The following SMC2 variants were observed in gnomAD, a reference collection of about 807,000 sequenced individuals.
The protein encoded by SMC2 is structural maintenance of chromosomes 2, also known as structural maintenance of chromosomes protein 2.
A neutral mutation model predicts 142.6 loss-of-function variants in SMC2; 41 were observed. The observed-to-expected ratio is 0.29, with a 90% CI of 0.22 to 0.37. The LOEUF is 0.37. Among genes scored for constraint, SMC2 ranks in the 10% least tolerant of loss-of-function variants. The pLI is 1.00. For synonymous variants in SMC2, 463 were observed against 457.5 expected, an observed-to-expected ratio of 1.01 and a Z score of -0.15; for missense variants, 1,265 against 1,373.7, an observed-to-expected ratio of 0.92 and a Z score of 1.25.
Position 104,121,690 on chromosome 9 carries a change from C to T in SMC2, c.2133-1418C>T, listed in dbSNP as rs549908122. 1.3e-4 allele frequency among the ~76,000 whole-genome samples: 20 copies of T among 152,194 alleles called. No individual in the cohort carries two copies. In the South Asian group the frequency reaches 3.9e-3, roughly 30 times the overall value. On this transcript the variant is annotated intron_variant, in intron 16 of 24. Transcript: ENST00000374793. The stretch of plus-strand genomic sequence containing the variant: ...CATTCAATTTCTGTAGTTATGAAAG[C>T]TTAAAATGGCACCAAGACTTTTGAG...
At chr9:104,125,246 T>G (rs1834132820) in intron 18 of SMC2, 141 bp downstream of exon 18, 2 of 651,782 alleles carry the variant, frequency 3.1e-6, no homozygotes, top group Non-Finnish European at 5.2e-6. Flanking sequence ...AAACAAATTA[T>G]GCTTCTTACA....
chr9:104,138,254 A>G (rs1159770145), intron 24 of SMC2, 89 bp downstream of exon 24: 7 of 1,073,880 alleles, frequency 6.5e-6, no homozygotes, highest in Non-Finnish European at 9.1e-6. Context: ...TGTTAATAAG[A>G]TATTTAGGGT....
chr9:104,100,409 T>C lies in SMC2; in HGVS notation c.612T>C (p.Thr204=). 8 of 1,521,834 alleles carry C rather than the reference T, an allele frequency of 5.3e-6. No homozygotes were observed. Among genetic ancestry groups the C allele is most frequent in the Non-Finnish European group, 7.3e-6 (8 of 1,100,460 alleles). The allele number at this position is 1,521,834 out of a possible 1,614,324, so 94.3% of individuals were successfully genotyped here. Residue 204 remains threonine, a synonymous_variant, in exon 7 of 25, where the codon ACT becomes ACC. Coordinates refer to ENST00000374793, the MANE Select transcript of SMC2 (RefSeq NM_006444.3). ...EIKTILEEEI[T]PTIQKLKEER... Reference sequence around the variant, plus strand: ...TCCAGATACTTGAAGAAGAGATTACTCCAACCATTCAAAAATTAAAAGAGG... The same window carrying C: ...TCCAGATACTTGAAGAAGAGATTACCCCAACCATTCAAAAATTAAAAGAGG...
chr9:104,116,556 A>C (rs1833143017), intron 14 of SMC2, among the ~76,000 whole-genome samples: 1 of 94,410 alleles, frequency 1.1e-5, no homozygotes, highest in South Asian at 2.6e-4. Flanking sequence ...AAGTCACATG[A>C]CTATCAATCA....
chr9:104,102,023 T>C lies in SMC2; in HGVS notation c.700T>C (p.Tyr234His), dbSNP rs1831191449. The C allele has an allele frequency of 6.2e-7, 1 of 1,613,276 alleles. No individual in the cohort carries two copies. The highest frequency in any genetic ancestry group is 8.5e-7 in the Non-Finnish European group (1 of 1,179,550). The change falls in exon 8 of 25, where the codon TAT (tyrosine) becomes CAT (histidine). Residue 234 changes from tyrosine to histidine, a missense_variant. Tyr to His is a moderately conservative substitution (Grantham distance 83). Coordinates refer to ENST00000374793, the MANE Select transcript of SMC2 (RefSeq NM_006444.3). ...MREIEHLSRL[Y>H]IAYQFLLAED... is the part of the protein sequence containing the mutation. ...AGAAATAGAACATTTGAGTCGTTTA[T>C]ATATTGCTTATCAGTTTTTGCTGGC...
chr9:104,130,897 T>G (rs1183623186), intron 21 of SMC2, among the ~76,000 whole-genome samples: 1 of 152,186 alleles, frequency 6.6e-6, no homozygotes, highest in Non-Finnish European at 1.5e-5. Flanking sequence ...GCCTATATTG[T>G]TGATCAGCAG....
At chr9:104,111,308 T>C (rs1190465945) in intron 9 of SMC2, among the ~76,000 whole-genome samples, 1 of 152,210 alleles carries the variant, frequency 6.6e-6, no homozygotes, top group Non-Finnish European at 1.5e-5. Context: ...TTCAAGTGAT[T>C]TGTTTAAATC....
intron 14 of SMC2, among the ~76,000 whole-genome samples, chr9:104,117,711 A>G (rs561932316): frequency 6.6e-6 from 1 of 152,344 alleles, no homozygotes; most frequent in African/African-American, 2.4e-5. Flanking sequence ...ATTCAAAACT[A>G]TGACACCCAA....
chr9:104,137,443 A>G (rs538093895), intron 23 of SMC2, among the ~76,000 whole-genome samples: 2 of 152,296 alleles, frequency 1.3e-5, no homozygotes, highest in Non-Finnish European at 2.9e-5. Context: ...TGAATTTTAC[A>G]TAAGATTGTT....
rs140663897 is a variant in SMC2, at chr9:104,101,637, C to A, written c.637-323C>A. Among the ~76,000 whole-genome samples the A allele has an allele frequency of 3.4e-4, 52 of 151,816 alleles. 1 individual carries two copies. The highest frequency in any genetic ancestry group is 1.2e-3 in the African/African-American group (51 of 41,474). ...GTATATTAGAGTAGGCATCTTGATA[C>A]TACTACTACAGAATCCATGTAATAG... On this transcript the variant is annotated intron_variant, in intron 7 of 24. Transcript: ENST00000374793.
chr9:104,138,657 T>A (rs1206127759), intron 24 of SMC2, among the ~76,000 whole-genome samples: 1 of 152,172 alleles, frequency 6.6e-6, no homozygotes, highest in East Asian at 1.9e-4. Context: ...TATGCTTGCA[T>A]AAATTATGCA....
rs557398374 is a variant in SMC2, at chr9:104,124,842, C to CTAT, written c.2258-67_2258-65dup. 1.1e-3 allele frequency: 1,267 copies of CTAT among 1,183,768 alleles called. 10 individuals are homozygous for CTAT. The African/African-American group carries it at 0.018, about 17-fold the overall frequency. 73.3% of individuals were successfully genotyped at this position (1,183,768 alleles called of 1,614,324 possible). A position where few individuals can be genotyped will look rare whatever the true frequency, so the allele number is the denominator to read the frequency against. Reference sequence around the variant, plus strand: ...CCTGTAATTTTCCAAACCATTTCTTCTATTAAAAGTTGAATTTGTCAACCT... The same window carrying CTAT: ...CCTGTAATTTTCCAAACCATTTCTTCTATTATTAAAAGTTGAATTTGTCAACCT... On this transcript the variant is annotated intron_variant, in intron 17 of 24. Coordinates refer to ENST00000374793, the MANE Select transcript of SMC2 (RefSeq NM_006444.3).
chr9:104,089,343 T>C (rs887488832), upstream of SMC2, among the ~76,000 whole-genome samples: 2 of 152,030 alleles, frequency 1.3e-5, no homozygotes, highest in Admixed American at 1.3e-4. Context: ...TCTTTGAATC[T>C]AGTAAGAATT....
intron 21 of SMC2, among the ~76,000 whole-genome samples, chr9:104,131,049 A>T (rs1013383665): frequency 6.6e-6 from 1 of 152,160 alleles, no homozygotes; most frequent in Non-Finnish European, 1.5e-5. Context: ...AAACAGCAGG[A>T]CTGACTAGAA....
intron 9 of SMC2, among the ~76,000 whole-genome samples, chr9:104,103,863 G>A (rs1426651323): frequency 1.3e-5 from 2 of 152,102 alleles, no homozygotes; most frequent in African/African-American, 2.4e-5. Flanking sequence ...CGATATGAAC[G>A]TGTTGTAGCA....
At chr9:104,091,883 A>G (rs1829986583), upstream of SMC2, among the ~76,000 whole-genome samples, 1 of 152,022 alleles carries the variant, frequency 6.6e-6, no homozygotes, top group South Asian at 2.1e-4. Context: ...CCTTCCATAT[A>G]AGGACTCAGA....
chr9:104,108,829 TC>T (rs1349048601), intron 9 of SMC2, among the ~76,000 whole-genome samples: 3 of 152,204 alleles, frequency 2.0e-5, no homozygotes, highest in Non-Finnish European at 2.9e-5. Flanking sequence ...ATGTGTATGT[TC>T]CCCATACAGT....
Position 104,123,126 on chromosome 9 carries a change from G to T in SMC2, c.2151G>T (p.Gln717His), listed in dbSNP as rs200332660. 1.9e-6 allele frequency: 3 copies of T among 1,611,558 alleles called. No individual in the cohort carries two copies. Among genetic ancestry groups the T allele is most frequent in the African/African-American group, 2.7e-5 (2 of 74,894 alleles). ...NTAEKYRQLK[Q>H]QWEMKTEEAD... ...TTGTAAGGTATCGCCAACTAAAACA[G>T]CAGTGGGAGATGAAAACTGAAGAGG... The change falls in exon 17 of 25, where the codon CAG becomes CAT. Residue 717 changes from glutamine to histidine, a missense_variant. Gln to His is a conservative substitution (Grantham distance 24). Around this residue, in one of 4 missense-constraint regions of SMC2, gnomAD observed 898 missense variants for 904.2 expected, o/e 0.99. Transcript: ENST00000374793.
intron 13 of SMC2, among the ~76,000 whole-genome samples, chr9:104,115,175 AT>A (rs1832945544): frequency 6.6e-6 from 1 of 151,962 alleles, no homozygotes; most frequent in African/African-American, 2.4e-5. Context: ...GTTCTCACTT[AT>A]TATCCTTCTG....
Sources: allele counts gnomAD v4.1 joint callset (sites outside exome capture counted in the v4.1 genomes callset), GRCh38; gene constraint gnomAD v4.1.1; regional missense constraint gnomAD v4.1.1; transcripts MANE v1.5; gene names NCBI Gene and HGNC (gene_info 2026-07-23, HGNC 2026-07-21).